EFCAB5: variants seen among roughly 807,000 people sequenced by gnomAD.
EFCAB5 encodes EF-hand calcium-binding domain-containing protein 5.
EFCAB5 carries 131 observed loss-of-function variants against 167.9 expected under a neutral mutation model. The observed-to-expected ratio is 0.78, with a 90% confidence interval of 0.68 to 0.90. The LOEUF is 0.90. EFCAB5 is among the 40% of genes least tolerant of loss of function. The pLI, the probability that EFCAB5 is intolerant of heterozygous loss-of-function variation, is 0.00. For synonymous variants in EFCAB5, 574 were observed against 602.8 expected, an observed-to-expected ratio of 0.95 and a Z score of 0.70; for missense variants, 1,663 against 1,745.2, an observed-to-expected ratio of 0.95 and a Z score of 0.84.
At chr17:29,956,131 G>GT (rs956502447) in intron 3 of EFCAB5, among the ~76,000 whole-genome samples, 4 of 152,168 alleles carry the variant, frequency 2.6e-5, no homozygotes, top group Non-Finnish European at 5.9e-5. Context: ...TATTGAAACA[G>GT]TTTTTTAGGG....
chr17:30,082,627 G>C (rs899685273), intron 17 of EFCAB5, among the ~76,000 whole-genome samples: 1 of 152,040 alleles, frequency 6.6e-6, no homozygotes, highest in African/African-American at 2.4e-5. Flanking sequence ...CTGACCTCAA[G>C]TGATCCGCCC....
chr17:30,092,860 CA>C lies in EFCAB5; in HGVS notation c.4247del (p.Asn1416ThrfsTer54). On this transcript the variant is annotated frameshift_variant, in exon 22 of 23. Transcript: ENST00000394835. LOFTEE classifies it high-confidence loss of function. ...CACAGTATGTTAACAAATATTTAGT[CA>C]ACAATATTTGTGCCTTTGATCCAAC... is the stretch of plus-strand genomic sequence containing the variant. ...CKFYVNKYLV[N>X]NICAFDPTAK... is the part of the protein sequence containing the mutation. 1 of 1,610,520 alleles carries C rather than the reference CA, an allele frequency of 6.2e-7. No homozygotes were observed. The highest frequency in any genetic ancestry group is 8.5e-7 in the Non-Finnish European group (1 of 1,178,334).
chr17:30,007,996 GA>G (rs2068808402), intron 7 of EFCAB5, among the ~76,000 whole-genome samples: 2 of 151,912 alleles, frequency 1.3e-5, no homozygotes, highest in Non-Finnish European at 2.9e-5. Context: ...ACAAAAAAAC[GA>G]AAAGCTGCGT....
At chr17:30,019,905 C>T (rs1040898428) in intron 7 of EFCAB5, among the ~76,000 whole-genome samples, 2 of 151,954 alleles carry the variant, frequency 1.3e-5, no homozygotes, top group East Asian at 1.9e-4. Context: ...AATTATAATA[C>T]GTGTATTTAT....
chr17:29,941,596 C>T, upstream of EFCAB5: 1 of 491,022 alleles, frequency 2.0e-6, no homozygotes, highest in East Asian at 3.3e-5. Flanking sequence ...ACAGTCATAA[C>T]AGTAATACAG....
chr17:30,034,617 T>C (rs2069570292), intron 8 of EFCAB5, among the ~76,000 whole-genome samples: 2 of 152,156 alleles, frequency 1.3e-5, no homozygotes, highest in South Asian at 4.1e-4. Context: ...CCAGAAAGAA[T>C]TTAAGTAAGC....
intron 14 of EFCAB5, among the ~76,000 whole-genome samples, chr17:30,077,227 G>A (rs910170808): frequency 6.6e-6 from 1 of 152,126 alleles, no homozygotes; most frequent in Admixed American, 6.5e-5. Flanking sequence ...ATTTGAATCT[G>A]GGAGATGGAG....
intron 5 of EFCAB5, among the ~76,000 whole-genome samples, chr17:29,994,201 C>T (rs2068496969): frequency 7.0e-6 from 1 of 142,204 alleles, no homozygotes; most frequent in Admixed American, 7.1e-5. Context: ...CACACGTGCA[C>T]ACACACGCGG....
intron 8 of EFCAB5, among the ~76,000 whole-genome samples, chr17:30,044,695 C>A (rs546282949): frequency 1.3e-5 from 2 of 152,072 alleles, no homozygotes; most frequent in African/African-American, 4.8e-5. Flanking sequence ...AGGAATGATA[C>A]AACCACTTCA....
Position 30,053,296 on chromosome 17 carries a change from TG to T in EFCAB5, c.1346del (p.Gly449GlufsTer20), listed in dbSNP as rs764333623. 18 of 1,612,490 alleles carry T rather than the reference TG, an allele frequency of 1.1e-5. No individual in the cohort carries two copies. The highest frequency in any genetic ancestry group is 1.5e-5 in the Non-Finnish European group (18 of 1,178,934). Reference sequence around the variant, plus strand: ...TGAAGAGATAAACTTGACTGAGTTGTGGGGAGACATGGATAATCAGAAACAC... The same window carrying T: ...TGAAGAGATAAACTTGACTGAGTTGTGGGAGACATGGATAATCAGAAACAC... ...EFEEINLTEL[W>X]GDMDNQKHIY... is the part of the protein sequence containing the mutation. On this transcript the variant is annotated frameshift_variant, in exon 10 of 23. Coordinates refer to ENST00000394835, the MANE Select transcript of EFCAB5 (RefSeq NM_198529.4). LOFTEE classifies it high-confidence loss of function.
intron 14 of EFCAB5, chr17:30,068,872 A>C (rs2070652109): frequency 8.8e-6 from 13 of 1,476,364 alleles, no homozygotes; most frequent in Non-Finnish European, 1.2e-5. Context: ...TAGCCATACC[A>C]TGTCTGAATA....
intron 3 of EFCAB5, among the ~76,000 whole-genome samples, chr17:29,944,768 C>T (rs2067365358): frequency 1.3e-5 from 2 of 151,890 alleles, no homozygotes; most frequent in South Asian, 2.1e-4. Flanking sequence ...GGATTACAAG[C>T]ACGTGCCATC....
At chr17:30,094,365 A>T (rs973446601) in intron 22 of EFCAB5, among the ~76,000 whole-genome samples, 7 of 152,110 alleles carry the variant, frequency 4.6e-5, no homozygotes, top group Middle Eastern at 3.4e-3. Context: ...TAATTTTTTT[A>T]AAAAGAAAGA....
At chr17:30,031,842 T>G (rs1261960337) in intron 7 of EFCAB5, 1 of 151,962 alleles carries the variant, frequency 6.6e-6, no homozygotes, top group South Asian at 2.1e-4. Context: ...GGCAACATAG[T>G]GAGACCCTAT....
chr17:29,979,909 C>T (rs2068138121), intron 4 of EFCAB5, among the ~76,000 whole-genome samples: 1 of 152,202 alleles, frequency 6.6e-6, no homozygotes, highest in Non-Finnish European at 1.5e-5. Context: ...TGGCTCATGC[C>T]TGTAATCCCA....
chr17:30,013,711 T>G (rs943350502), intron 7 of EFCAB5, among the ~76,000 whole-genome samples: 7 of 152,222 alleles, frequency 4.6e-5, no homozygotes, highest in African/African-American at 1.7e-4. Flanking sequence ...TTATTAGTCT[T>G]GCTAGCGGTC....
At chr17:30,015,783 A>C (rs1258285022) in intron 7 of EFCAB5, among the ~76,000 whole-genome samples, 1 of 116,570 alleles carries the variant, frequency 8.6e-6, no homozygotes, top group African/African-American at 3.3e-5. Context: ...TTTTCTTTTG[A>C]GGTGGAGTCT....
At chr17:30,083,804 G>A (rs1342898009) in intron 18 of EFCAB5, among the ~76,000 whole-genome samples, 1 of 152,152 alleles carries the variant, frequency 6.6e-6, no homozygotes, top group Admixed American at 6.5e-5. Flanking sequence ...GCCAGAGTGT[G>A]GAGTTCACAG....
At chr17:30,024,327 A>G (rs1235317230) in intron 7 of EFCAB5, among the ~76,000 whole-genome samples, 1 of 152,204 alleles carries the variant, frequency 6.6e-6, no homozygotes, top group Non-Finnish European at 1.5e-5. Context: ...AAGCAACTTC[A>G]GCGAAGTCTC....
Sources: gnomAD v4.1 joint callset for allele counts (sites outside exome capture counted in the v4.1 genomes callset) on GRCh38, gnomAD v4.1.1 for gene constraint, MANE v1.5 for transcripts, NCBI Gene and HGNC (gene_info 2026-07-23, HGNC 2026-07-21) for gene names.